The following PPP1R12A variants were observed in gnomAD, a reference collection of about 807,000 sequenced individuals.
PPP1R12A encodes myosin binding subunit.
A neutral mutation model predicts 139.6 loss-of-function variants in PPP1R12A; 19 were observed. The observed-to-expected ratio is 0.14, with a 90% CI of 0.09 to 0.20. The LOEUF is 0.20. Among genes scored for constraint, PPP1R12A ranks in the 10% least tolerant of loss-of-function variants. The probability of loss-of-function intolerance (pLI) is 1.00; values close to 1 mark genes in which losing one functional copy is unlikely to be tolerated. For missense variants in PPP1R12A, 925 were observed against 1,211.5 expected (o/e 0.76, Z 3.51); for synonymous variants, 427 against 420.6 (o/e 1.02, Z -0.19).
chr12:79,934,375 CCTT>C (rs1169830579), intron 1 of PPP1R12A, among the ~76,000 whole-genome samples: 6 of 152,212 alleles, frequency 3.9e-5, no homozygotes, highest in African/African-American at 1.4e-4. Flanking sequence ...CTACACCCCT[CCTT>C]GTCTCGACCC....
chr12:79,776,551 C>T (rs1212838265), intron 24 of PPP1R12A, among the ~76,000 whole-genome samples: 1 of 151,944 alleles, frequency 6.6e-6, no homozygotes, highest in Non-Finnish European at 1.5e-5. Context: ...TGTCCGATCC[C>T]AGATAGATGC....
At chr12:79,859,299 T>C (rs1881035645) in intron 2 of PPP1R12A, among the ~76,000 whole-genome samples, 1 of 139,290 alleles carries the variant, frequency 7.2e-6, no homozygotes, top group South Asian at 2.2e-4. Flanking sequence ...ATCGTGCCAC[T>C]GCACTCCAGC....
intron 14 of PPP1R12A, among the ~76,000 whole-genome samples, chr12:79,801,487 C>CA (rs1333302631): frequency 6.1e-5 from 9 of 148,610 alleles, no homozygotes; most frequent in African/African-American, 1.7e-4. Context: ...AATTTACTGT[C>CA]AGTTTTATGC....
intron 1 of PPP1R12A, among the ~76,000 whole-genome samples, chr12:79,904,615 T>C (rs12831031): frequency 0.083 from 12,662 of 152,154 alleles, 1,352 homozygotes; most frequent in African/African-American, 0.25. Context: ...CTCATTCCAG[T>C]GGTACAAGTT....
chr12:79,873,022 T>G, intron 1 of PPP1R12A, 84 bp from the exon 2 acceptor site: 1 of 1,340,236 alleles, frequency 7.5e-7, no homozygotes, highest in Middle Eastern at 2.2e-4. Context: ...ATTCCTACTT[T>G]GTAGCTTTTA....
intron 1 of PPP1R12A, among the ~76,000 whole-genome samples, chr12:79,890,887 CCACCCACCCACACCCACCCACACA>C (rs1884527987): frequency 7.7e-6 from 1 of 129,088 alleles, no homozygotes; most frequent in African/African-American, 3.3e-5. Context: ...TACACACACA[CCACCCACCCACACCCACCCACACA>C]CACACACACA....
intron 15 of PPP1R12A, among the ~76,000 whole-genome samples, chr12:79,797,711 A>G (rs1872646839): frequency 2.6e-5 from 4 of 152,152 alleles, no homozygotes; most frequent in African/African-American, 9.7e-5. Flanking sequence ...GTGTGTATAT[A>G]TATGTGTGTA....
intron 1 of PPP1R12A, among the ~76,000 whole-genome samples, chr12:79,922,903 T>C (rs764004743): frequency 1.6e-4 from 25 of 151,534 alleles, no homozygotes; most frequent in Non-Finnish European, 2.9e-4. Flanking sequence ...GCATGTTATT[T>C]TGAGCAAAAC....
chr12:79,845,445 T>A, intron 2 of PPP1R12A, 25 bp from the exon 3 acceptor site: 1 of 1,490,586 alleles, frequency 6.7e-7, no homozygotes, highest in Non-Finnish European at 9.3e-7. Context: ...GAAAAATAGT[T>A]AAGCAAAAGA....
At chr12:79,852,487 C>G (rs1025997615) in intron 2 of PPP1R12A, among the ~76,000 whole-genome samples, 1 of 152,118 alleles carries the variant, frequency 6.6e-6, no homozygotes. Flanking sequence ...TGAGTCACCA[C>G]ACTCAGCCAG....
intron 6 of PPP1R12A, among the ~76,000 whole-genome samples, chr12:79,821,763 A>G (rs1876140527): frequency 6.6e-6 from 1 of 152,030 alleles, no homozygotes; most frequent in African/African-American, 2.4e-5. Flanking sequence ...AAAAAAAAAA[A>G]AAACTGTTTT....
Position 79,798,375 on chromosome 12 carries a change from C to T in PPP1R12A, c.2091+119G>A. On this transcript the variant is annotated intron_variant, in intron 15 of 24. Coordinates refer to ENST00000450142, the MANE Select transcript of PPP1R12A (RefSeq NM_002480.3). Reference sequence around the variant, plus strand: ...AGGATTTACTCACACTATATACTGACATCAATATTTTCACAACAAAGTGAA... The same window carrying T: ...AGGATTTACTCACACTATATACTGATATCAATATTTTCACAACAAAGTGAA... 2 of 608,870 alleles carry T rather than the reference C, an allele frequency of 3.3e-6. 1 individual carries two copies. The highest frequency in any genetic ancestry group is 5.5e-6 in the Non-Finnish European group (2 of 364,308). 37.7% of individuals were successfully genotyped at this position (608,870 alleles called of 1,614,324 possible).
chr12:79,809,817 G>A lies in PPP1R12A; in HGVS notation c.1433C>T (p.Ser478Phe), dbSNP rs567465120. ...TACCTTTTCTTTATTATCCAAAGAG[G>A]AGGAAAGTCTGGGACTTGAAGCTGA... is the stretch of plus-strand genomic sequence containing the variant. ...TRSASSPRLS[S>F]SLDNKEKEKD... The change falls in exon 10 of 25, where the codon TCC becomes TTC. Residue 478 changes from serine to phenylalanine, a missense_variant. Ser to Phe is a radical substitution (Grantham distance 155). Around this residue, in one of 4 missense-constraint regions of PPP1R12A, gnomAD observed 403 missense variants for 463.7 expected, o/e 0.87. Coordinates refer to ENST00000450142, the MANE Select transcript of PPP1R12A (RefSeq NM_002480.3). 6 of 1,612,708 alleles carry A rather than the reference G, an allele frequency of 3.7e-6. No homozygotes were observed. Among genetic ancestry groups the A allele is most frequent in the East Asian group, 4.5e-5 (2 of 44,804 alleles).
At chr12:79,834,905 C>T (rs1877885935) in intron 3 of PPP1R12A, among the ~76,000 whole-genome samples, 1 of 152,176 alleles carries the variant, frequency 6.6e-6, no homozygotes, top group Non-Finnish European at 1.5e-5. Flanking sequence ...TACTCTCACC[C>T]CATCTGTGAT....
chr12:79,863,403 C>T (rs1881576425), intron 2 of PPP1R12A, among the ~76,000 whole-genome samples: 2 of 152,164 alleles, frequency 1.3e-5, no homozygotes, highest in East Asian at 1.9e-4. Flanking sequence ...GAAGAAACTG[C>T]ATCAATTAAT....
At chr12:79,793,255 T>C (rs906916455) in intron 19 of PPP1R12A, among the ~76,000 whole-genome samples, 4 of 152,322 alleles carry the variant, frequency 2.6e-5, no homozygotes, top group African/African-American at 9.6e-5. Context: ...CAACCCTTGC[T>C]GGCTGTGCAG....
intron 23 of PPP1R12A, chr12:79,780,854 C>G (rs1168506525): frequency 6.6e-6 from 1 of 152,008 alleles, no homozygotes; most frequent in Non-Finnish European, 1.5e-5. Flanking sequence ...AAAATGGTAG[C>G]TATTGCAAGG....
chr12:79,779,328 A>G (rs1204981230), intron 23 of PPP1R12A: 4 of 1,289,014 alleles, frequency 3.1e-6, no homozygotes, highest in Non-Finnish European at 4.0e-6. Context: ...TACCGCCCAG[A>G]AGATACTGAC....
intron 2 of PPP1R12A, among the ~76,000 whole-genome samples, chr12:79,871,317 G>A (rs1237113149): frequency 1.3e-5 from 2 of 152,198 alleles, no homozygotes; most frequent in South Asian, 2.1e-4. Context: ...TCTATGCAAA[G>A]AAATTATTCA....
Sources: allele counts gnomAD v4.1 joint callset (sites outside exome capture counted in the v4.1 genomes callset), GRCh38; gene constraint gnomAD v4.1.1; regional missense constraint gnomAD v4.1.1; transcripts MANE v1.5; gene names NCBI Gene and HGNC (gene_info 2026-07-23, HGNC 2026-07-21).